Variants in CERS3 observed in about 807,000 individuals in gnomAD.
CERS3 encodes ceramide synthase 3.
A neutral mutation model predicts 50.3 loss-of-function variants in CERS3; 33 were observed. That is an observed-to-expected ratio of 0.66 (90% CI 0.50 to 0.88). CERS3 has a LOEUF of 0.88. Ranked by LOEUF, CERS3 falls within the 40% of genes least tolerant of loss-of-function variation. The probability of loss-of-function intolerance (pLI) is 0.00; values close to 1 mark genes in which losing one functional copy is unlikely to be tolerated. For synonymous variants in CERS3, 176 were observed against 155.2 expected (o/e 1.13, Z -0.99); for missense variants, 470 against 460.3 (o/e 1.02, Z -0.19).
intron 1 of CERS3, among the ~76,000 whole-genome samples, chr15:100,541,876 A>G (rs1446390995): frequency 1.3e-5 from 2 of 152,228 alleles, no homozygotes; most frequent in Non-Finnish European, 2.9e-5. Flanking sequence ...TATGGTAAAA[A>G]TAAAAATAAT....
Position 100,402,606 on chromosome 15 carries a change from G to T in CERS3, c.*107C>A. 9.1e-7 allele frequency: 1 copy of T among 1,093,710 alleles called. No homozygotes were observed. Among genetic ancestry groups the T allele is most frequent in the Non-Finnish European group, 1.3e-6 (1 of 764,716 alleles). 67.8% of individuals were successfully genotyped at this position (1,093,710 alleles called of 1,614,324 possible). ...ATCTTAGGTGGGAGGGAAGGCGGTGGTGAGAAAGAGGGAAGGGCAGAATGT... is the reference window on the plus strand; with the variant it reads ...ATCTTAGGTGGGAGGGAAGGCGGTGTTGAGAAAGAGGGAAGGGCAGAATGT... On this transcript the variant is annotated 3_prime_UTR_variant, in exon 12 of 12. Coordinates refer to ENST00000679737, the MANE Select transcript of CERS3 (RefSeq NM_001378789.1).
rs147546787 is a variant in CERS3 at position 100,540,999 on chromosome 15, G to A, written c.-355+3652C>T. ...CTATGAGTCTAAAAATAGAGAAATCGCAGTGAACAAGGCAGATACCGTCCC... is the reference window on the plus strand; with the variant it reads ...CTATGAGTCTAAAAATAGAGAAATCACAGTGAACAAGGCAGATACCGTCCC... On this transcript the variant is annotated intron_variant, in intron 1 of 12. Coordinates refer to the CERS3 transcript ENST00000284382. 8.0e-4 allele frequency among the ~76,000 whole-genome samples: 122 copies of A among 152,212 alleles called. 2 individuals carry two copies. In the South Asian group the frequency reaches 0.024, roughly 30 times the overall value.
intron 11 of CERS3, among the ~76,000 whole-genome samples, chr15:100,430,386 T>C (rs2033065812): frequency 6.6e-6 from 1 of 152,102 alleles, no homozygotes; most frequent in African/African-American, 2.4e-5. Flanking sequence ...AAATACATTC[T>C]AATGTTAATA....
At chr15:100,439,430 A>G (rs1168407422) in intron 11 of CERS3, among the ~76,000 whole-genome samples, 1 of 152,192 alleles carries the variant, frequency 6.6e-6, no homozygotes, top group East Asian at 1.9e-4. Context: ...AAAGTTACTT[A>G]CTGAGAGTTT....
chr15:100,464,123 C>T (rs973812321), intron 10 of CERS3, among the ~76,000 whole-genome samples: 1 of 152,162 alleles, frequency 6.6e-6, no homozygotes, highest in African/African-American at 2.4e-5. Context: ...GATCATCAAA[C>T]GCTGAAATCT....
At chr15:100,527,593 G>C (rs1043253629) in intron 1 of CERS3, among the ~76,000 whole-genome samples, 18 of 152,338 alleles carry the variant, frequency 1.2e-4, no homozygotes, top group Middle Eastern at 3.4e-3. Flanking sequence ...ATATATCTTA[G>C]TGTGCAGAAA....
At chr15:100,436,461 G>T (rs576875050) in intron 11 of CERS3, among the ~76,000 whole-genome samples, 43 of 152,202 alleles carry the variant, frequency 2.8e-4, no homozygotes, top group South Asian at 1.0e-3. Context: ...ATCACACACC[G>T]AGGCCTATCG....
intron 11 of CERS3, among the ~76,000 whole-genome samples, chr15:100,412,890 T>C (rs2031597411): frequency 6.6e-6 from 1 of 152,144 alleles, no homozygotes; most frequent in South Asian, 2.1e-4. Context: ...CCGGAGAGTA[T>C]CTGGTCTGAC....
rs140184453 is a variant in CERS3 at position 100,410,913 on chromosome 15, T to G, written c.1000-8048A>C. Among the ~76,000 whole-genome samples the G allele has an allele frequency of 9.6e-3, 1,460 of 152,292 alleles. 26 individuals are homozygous for G. Among genetic ancestry groups the G allele is most frequent in the African/African-American group, 0.033 (1,368 of 41,546 alleles). On this transcript the variant is annotated intron_variant, in intron 11 of 11. Coordinates refer to ENST00000679737, the MANE Select transcript of CERS3 (RefSeq NM_001378789.1). ...GTGTAATCATCACCATCCATTCCCATAGCTCTTTTCATCTTGTGAAACAGA... is the reference window on the plus strand; with the variant it reads ...GTGTAATCATCACCATCCATTCCCAGAGCTCTTTTCATCTTGTGAAACAGA...
chr15:100,467,742 TCATTCTCTCTCTC>T (rs1567639583), intron 10 of CERS3, among the ~76,000 whole-genome samples: 1 of 136,516 alleles, frequency 7.3e-6, no homozygotes, highest in East Asian at 2.1e-4. Flanking sequence ...ATAATTGCTA[TCATTCTCTCTCTC>T]TCTCTCTCTC....
At chr15:100,423,159 A>T (rs943389242) in intron 11 of CERS3, among the ~76,000 whole-genome samples, 1 of 152,214 alleles carries the variant, frequency 6.6e-6, no homozygotes, top group Non-Finnish European at 1.5e-5. Context: ...AATGCTTATA[A>T]ACTACTGGTG....
intron 3 of CERS3, among the ~76,000 whole-genome samples, chr15:100,492,659 C>G (rs1263591279): frequency 6.6e-6 from 1 of 152,128 alleles, no homozygotes; most frequent in Non-Finnish European, 1.5e-5. Context: ...ACTATTTTAT[C>G]TATGCCTTTA....
chr15:100,454,155 C>T (rs2034274907), intron 11 of CERS3, among the ~76,000 whole-genome samples: 1 of 152,080 alleles, frequency 6.6e-6, no homozygotes, highest in Admixed American at 6.6e-5. Flanking sequence ...CTTTGGGAGG[C>T]CAAGGCAAGA....
chr15:100,481,268 A>G (rs568791079), intron 5 of CERS3, among the ~76,000 whole-genome samples: 1 of 152,316 alleles, frequency 6.6e-6, no homozygotes, highest in East Asian at 1.9e-4. Flanking sequence ...TTTCCTGAAC[A>G]TTATCATTTC....
At chr15:100,435,153 G>A (rs1364463728) in intron 11 of CERS3, among the ~76,000 whole-genome samples, 2 of 152,186 alleles carry the variant, frequency 1.3e-5, no homozygotes, top group South Asian at 4.1e-4. Context: ...CTGGCCAAAC[G>A]ACTTGGGTAG....
intron 3 of CERS3, among the ~76,000 whole-genome samples, chr15:100,492,256 G>A (rs1001948229): frequency 1.3e-5 from 2 of 152,150 alleles, no homozygotes; most frequent in Admixed American, 1.3e-4. Context: ...TTTCCCTGTT[G>A]ATAATCTTCT....
chr15:100,499,498 CTCTT>C (rs1399325465), intron 3 of CERS3, among the ~76,000 whole-genome samples: 3 of 152,166 alleles, frequency 2.0e-5, no homozygotes, highest in African/African-American at 7.2e-5. Flanking sequence ...GTCTGTCTCT[CTCTT>C]CTTGATTTTC....
intron 2 of CERS3, among the ~76,000 whole-genome samples, chr15:100,519,710 C>A (rs1171878889): frequency 6.6e-6 from 1 of 152,208 alleles, no homozygotes; most frequent in Admixed American, 6.5e-5. Flanking sequence ...CTTATGAAAT[C>A]CCAGCCACTC....
chr15:100,529,878 T>C (rs2036895664), upstream of CERS3, among the ~76,000 whole-genome samples: 1 of 152,206 alleles, frequency 6.6e-6, no homozygotes, highest in African/African-American at 2.4e-5. Context: ...CATCAGCTAA[T>C]AGATGACCGC....
Sources: allele counts gnomAD v4.1 joint callset (sites outside exome capture counted in the v4.1 genomes callset), GRCh38; gene constraint gnomAD v4.1.1; transcripts MANE v1.5; gene names NCBI Gene and HGNC (gene_info 2026-07-23, HGNC 2026-07-21).